The following MBNL2 variants were observed in gnomAD, a reference collection of about 807,000 sequenced individuals.
The protein encoded by MBNL2 is muscleblind like splicing regulator 2, also known as muscleblind-like protein 2.
In MBNL2, 17 loss-of-function variants were observed where a neutral mutation model predicts 41.9. The ratio of observed to expected loss-of-function variants is 0.41; its 90% CI spans 0.28 to 0.61. MBNL2 has a LOEUF of 0.61. Ranked by LOEUF, MBNL2 falls within the 20% of genes least tolerant of loss-of-function variation. MBNL2 has a pLI of 0.35. For synonymous variants in MBNL2, 195 were observed against 182.9 expected (o/e 1.07, Z -0.53); for missense variants, 336 against 505.6 (o/e 0.66, Z 3.22).
At chr13:97,340,461 T>C (rs1403957567) in intron 3 of MBNL2, among the ~76,000 whole-genome samples, 3 of 152,224 alleles carry the variant, frequency 2.0e-5, no homozygotes, top group Non-Finnish European at 4.4e-5. Context: ...TGCAGAACTG[T>C]TAGATAATTT....
At chr13:97,283,717 A>T (rs959520541) in intron 2 of MBNL2, among the ~76,000 whole-genome samples, 1 of 152,210 alleles carries the variant, frequency 6.6e-6, no homozygotes, top group Non-Finnish European at 1.5e-5. Context: ...AGGCCTGAGG[A>T]TCATTAAAAA....
At chr13:97,347,578 C>T (rs953704881) in intron 5 of MBNL2, among the ~76,000 whole-genome samples, 2 of 152,214 alleles carry the variant, frequency 1.3e-5, no homozygotes, top group African/African-American at 4.8e-5. Flanking sequence ...AAGGGCAATG[C>T]TGGTCAGATT....
chr13:97,198,182 T>A, the MBNL2 span, among the ~76,000 whole-genome samples: 1 of 152,154 alleles, frequency 6.6e-6, no homozygotes, highest in African/African-American at 2.4e-5. Context: ...TGGATGAGAT[T>A]CAATGTCATT....
chr13:97,209,230 A>G, the MBNL2 span, among the ~76,000 whole-genome samples: 2 of 152,098 alleles, frequency 1.3e-5, no homozygotes, highest in African/African-American at 2.4e-5. Flanking sequence ...AAACAAGAGA[A>G]CCCACCAAAA....
At position 97,330,044 on chromosome 13, in the gene MBNL2, A is replaced by G. The variant is rs150407117; in HGVS notation, c.175-4232A>G. ...TGTTTTGTTAACATCTGTCTTCCCC[A>G]CAAGACTGCAGGCTTCATGAAGGGA... On this transcript the variant is annotated intron_variant, in intron 2 of 8. Transcript: ENST00000679496. Among the ~76,000 whole-genome samples the G allele has an allele frequency of 5.0e-3, 756 of 152,322 alleles. 9 individuals carry two copies. Among genetic ancestry groups the G allele is most frequent in the African/African-American group, 0.017 (719 of 41,568 alleles).
intron 4 of MBNL2, 47 bp downstream of exon 4, chr13:97,343,263 A>G (rs768480051): frequency 1.0e-5 from 14 of 1,363,316 alleles, no homozygotes; most frequent in Non-Finnish European, 1.1e-5. Flanking sequence ...TGGTAGAAAT[A>G]TACTTCTGTG....
intron 2 of MBNL2, among the ~76,000 whole-genome samples, chr13:97,327,057 C>G (rs1465300382): frequency 6.6e-6 from 1 of 152,156 alleles, no homozygotes; most frequent in Non-Finnish European, 1.5e-5. Context: ...TATGGGGAAA[C>G]TGAGGCTGGG....
intron 2 of MBNL2, among the ~76,000 whole-genome samples, chr13:97,304,531 C>A (rs2057939120): frequency 6.6e-6 from 1 of 152,158 alleles, no homozygotes. Flanking sequence ...ATGCAATGAT[C>A]TGACAAGTGA....
At chr13:97,287,189 A>G (rs1308422134) in intron 2 of MBNL2, among the ~76,000 whole-genome samples, 1 of 152,184 alleles carries the variant, frequency 6.6e-6, no homozygotes, top group Non-Finnish European at 1.5e-5. Context: ...CTGTCCTAAA[A>G]GCAGGTCACA....
chr13:97,207,465 C>T, the MBNL2 span, among the ~76,000 whole-genome samples: 1 of 152,146 alleles, frequency 6.6e-6, no homozygotes, highest in Non-Finnish European at 1.5e-5. Flanking sequence ...ACATGGATGG[C>T]AGCTGGCAAG....
chr13:97,360,759 G>A (rs1275112986), intron 7 of MBNL2, among the ~76,000 whole-genome samples: 1 of 152,204 alleles, frequency 6.6e-6, no homozygotes, highest in Non-Finnish European at 1.5e-5. Context: ...GAAAACATTT[G>A]AGAAGTCTTT....
At chr13:97,237,742 A>G (rs941468478) in intron 1 of MBNL2, among the ~76,000 whole-genome samples, 2 of 152,236 alleles carry the variant, frequency 1.3e-5, no homozygotes, top group South Asian at 2.1e-4. Context: ...ATGCCACCCT[A>G]TGTATTTCAA....
At chr13:97,359,363 A>T (rs1033049343) in intron 7 of MBNL2, among the ~76,000 whole-genome samples, 19 of 152,144 alleles carry the variant, frequency 1.2e-4, no homozygotes, top group African/African-American at 4.1e-4. Flanking sequence ...TGCCATTACC[A>T]TGTCCTGGGA....
chr13:97,143,651 C>T, the MBNL2 span, among the ~76,000 whole-genome samples: 4 of 152,258 alleles, frequency 2.6e-5, no homozygotes, highest in Middle Eastern at 3.4e-3. Flanking sequence ...TACGGATTTC[C>T]GTATAATTTT....
the MBNL2 span, among the ~76,000 whole-genome samples, chr13:97,146,484 G>A: frequency 6.6e-6 from 1 of 152,152 alleles, no homozygotes; most frequent in Admixed American, 6.5e-5. Context: ...CAGAAGGAGT[G>A]CTGTTGGCCA....
chr13:97,348,630 A>G (rs1267499697), intron 5 of MBNL2, among the ~76,000 whole-genome samples: 4 of 152,216 alleles, frequency 2.6e-5, no homozygotes, highest in African/African-American at 7.2e-5. Flanking sequence ...ACTGAGAGCA[A>G]TAACATGCTC....
intron 1 of MBNL2, among the ~76,000 whole-genome samples, chr13:97,247,869 AT>A (rs2045779019): frequency 6.6e-6 from 1 of 152,186 alleles, no homozygotes; most frequent in Non-Finnish European, 1.5e-5. Flanking sequence ...TCTAGAAAAC[AT>A]TTACTACTCA....
the MBNL2 span, among the ~76,000 whole-genome samples, chr13:97,189,095 T>A: frequency 2.6e-5 from 4 of 152,166 alleles, no homozygotes; most frequent in Non-Finnish European, 5.9e-5. Flanking sequence ...GTGTTCTTGC[T>A]GTCACTCAGG....
At chr13:97,231,362 T>C (rs1295642517) in intron 1 of MBNL2, among the ~76,000 whole-genome samples, 1 of 152,208 alleles carries the variant, frequency 6.6e-6, no homozygotes, top group Non-Finnish European at 1.5e-5. Flanking sequence ...TGTAACAGGC[T>C]CCAGGTGATA....
Sources: gnomAD v4.1 joint callset for allele counts (sites outside exome capture counted in the v4.1 genomes callset) on GRCh38, gnomAD v4.1.1 for gene constraint, MANE v1.5 for transcripts, NCBI Gene and HGNC (gene_info 2026-07-23, HGNC 2026-07-21) for gene names.